The following ZNF831 variants were observed in gnomAD, a reference collection of about 807,000 sequenced individuals.
ZNF831 encodes chromosome 20 open reading frame 174.
A neutral mutation model predicts 95.8 loss-of-function variants in ZNF831; 59 were observed. The observed-to-expected ratio is 0.62, with a 90% CI of 0.50 to 0.77. The LOEUF (loss-of-function observed/expected upper bound fraction) is 0.77. ZNF831 is among the 30% of genes least tolerant of loss of function. ZNF831 has a pLI of 0.00. For missense variants in ZNF831, 2,205 were observed against 2,164.0 expected (o/e 1.02, Z -0.38); for synonymous variants, 961 against 925.5 (o/e 1.04, Z -0.70).
chr20:59,234,757 T>C (rs1020692585), intron 4 of ZNF831, among the ~76,000 whole-genome samples: 9 of 152,162 alleles, frequency 5.9e-5, no homozygotes, highest in Admixed American at 5.9e-4. Context: ...ATTGGGCAGT[T>C]GTTGTTTTTA....
chr20:59,225,780 A>G (rs1400124368), intron 4 of ZNF831, among the ~76,000 whole-genome samples: 3 of 152,194 alleles, frequency 2.0e-5, no homozygotes, highest in Non-Finnish European at 4.4e-5. Flanking sequence ...GAAATCGTGC[A>G]ATGTCTGTAA....
chr20:59,213,827 C>T (rs1478396735), intron 4 of ZNF831, among the ~76,000 whole-genome samples: 1 of 152,140 alleles, frequency 6.6e-6, no homozygotes. Flanking sequence ...TCTTATGTCA[C>T]CTCCGTTTTA....
At position 59,194,019 on chromosome 20, in the gene ZNF831, G is replaced by A. The variant is rs1264337568; in HGVS notation, c.3000G>A (p.Glu1000=). 1.3e-6 allele frequency: 2 copies of A among 1,528,330 alleles called. No individual in the cohort carries two copies. The highest frequency in any genetic ancestry group is 1.8e-6 in the Non-Finnish European group (2 of 1,139,936). 94.7% of individuals were successfully genotyped at this position (1,528,330 alleles called of 1,614,324 possible). Reference sequence around the variant, plus strand: ...CAGCCTCAGGCCCCTCCCCAGGTGAGGCGGACAGCATCCTGGAGGACCCCA... The same window carrying A: ...CAGCCTCAGGCCCCTCCCCAGGTGAAGCGGACAGCATCCTGGAGGACCCCA... The part of the protein sequence containing the change: ...PSPASGPSPG[E]ADSILEDPSC... Residue 1000 remains glutamate, a synonymous_variant, in exon 2 of 6, where the codon GAG becomes GAA. Coordinates refer to ENST00000371030, the MANE Select transcript of ZNF831 (RefSeq NM_178457.3).
Position 59,194,265 on chromosome 20 carries a change from C to T in ZNF831, c.3246C>T (p.Ser1082=), listed in dbSNP as rs749137895. The change falls in exon 2 of 6, where the codon AGC becomes AGT. Residue 1082 remains serine, a synonymous_variant. Transcript: ENST00000371030. ...GTATCCATCGCCTCTGCATGGGCAG[C>T]ACTTTGGCAAGGGCCAGGCTCTCTG... ...SHRIHRLCMG[S]TLARARLSGD... 1 of 1,614,050 alleles carries T rather than the reference C, an allele frequency of 6.2e-7. No individual in the cohort carries two copies. Among genetic ancestry groups the T allele is most frequent in the Non-Finnish European group, 8.5e-7 (1 of 1,180,010 alleles).
chr20:59,150,693 C>G (rs1024796469), intron 2 of ZNF831, among the ~76,000 whole-genome samples: 2 of 152,172 alleles, frequency 1.3e-5, no homozygotes, highest in African/African-American at 4.8e-5. Flanking sequence ...GGCCAGTACT[C>G]CGCGCCAGCA....
intron 4 of ZNF831, among the ~76,000 whole-genome samples, chr20:59,249,713 G>A (rs1987791123): frequency 1.3e-5 from 2 of 152,118 alleles, no homozygotes; most frequent in Admixed American, 1.3e-4. Flanking sequence ...GATTTTCAAA[G>A]TTGATTTGCT....
intron 2 of ZNF831, among the ~76,000 whole-genome samples, chr20:59,158,720 AT>A (rs1379518020): frequency 6.6e-5 from 10 of 152,250 alleles, no homozygotes; most frequent in Admixed American, 6.5e-4. Context: ...TTTTTACCTC[AT>A]TTATTTGACA....
At chr20:59,207,483 TAGAA>T (rs1984980179) in intron 4 of ZNF831, among the ~76,000 whole-genome samples, 1 of 152,094 alleles carries the variant, frequency 6.6e-6, no homozygotes, top group Non-Finnish European at 1.5e-5. Flanking sequence ...CCATGTGAAA[TAGAA>T]AGATGAGTAG....
At chr20:59,182,850 C>T (rs1254141312) in intron 1 of ZNF831, among the ~76,000 whole-genome samples, 1 of 152,200 alleles carries the variant, frequency 6.6e-6, no homozygotes, top group Non-Finnish European at 1.5e-5. Context: ...TGGGCAGCCT[C>T]CCCTGCTTTT....
At chr20:59,189,574 C>T (rs1452222668) in intron 1 of ZNF831, among the ~76,000 whole-genome samples, 3 of 152,112 alleles carry the variant, frequency 2.0e-5, no homozygotes, top group Non-Finnish European at 4.4e-5. Flanking sequence ...TGCAGTGGTG[C>T]GATATTGGCT....
chr20:59,145,339 C>T (rs1389845886), intron 1 of ZNF831, among the ~76,000 whole-genome samples: 6 of 152,060 alleles, frequency 3.9e-5, no homozygotes, highest in Non-Finnish European at 7.4e-5. Flanking sequence ...GAGGAGGGGT[C>T]GGTCCTTTAA....
intron 4 of ZNF831, among the ~76,000 whole-genome samples, chr20:59,251,528 G>T (rs891555757): frequency 2.6e-5 from 4 of 152,150 alleles, no homozygotes; most frequent in African/African-American, 7.2e-5. Context: ...ACTACTAGAA[G>T]TTTTGTGTTA....
intron 4 of ZNF831, among the ~76,000 whole-genome samples, chr20:59,213,496 C>G (rs986616230): frequency 3.9e-5 from 6 of 152,212 alleles, no homozygotes; most frequent in African/African-American, 1.4e-4. Context: ...TACCAAGCTG[C>G]TAGGTCATCT....
intron 1 of ZNF831, among the ~76,000 whole-genome samples, chr20:59,128,712 G>A (rs185207177): frequency 8.0e-4 from 122 of 152,298 alleles, no homozygotes; most frequent in African/African-American, 2.7e-3. Context: ...GGCTCAGGCC[G>A]GGGAAGTGGT....
rs1231066771 is a variant in ZNF831 at position 59,191,870 on chromosome 20, C to A, written c.851C>A (p.Pro284His). 6.2e-7 allele frequency: 1 copy of A among 1,613,158 alleles called. No individual in the cohort carries two copies. Among genetic ancestry groups the A allele is most frequent in the Non-Finnish European group, 8.5e-7 (1 of 1,179,972 alleles). ...AGAGAGGCTCCTTGGGACTCTGCCC[C>A]CATGGCGTCACCTGGGCTCCCAGCG... ...ADREAPWDSA[P>H]MASPGLPAAS... The change falls in exon 2 of 6, where the codon CCC becomes CAC. Residue 284 changes from proline (P) to histidine (H), a missense_variant. Coordinates refer to ENST00000371030, the MANE Select transcript of ZNF831 (RefSeq NM_178457.3).
intron 1 of ZNF831, among the ~76,000 whole-genome samples, chr20:59,128,370 C>T (rs566621668): frequency 6.6e-6 from 1 of 152,290 alleles, no homozygotes; most frequent in African/African-American, 2.4e-5. Flanking sequence ...CCCTGCTGTC[C>T]CTCCCCAGTC....
Position 59,254,494 on chromosome 20 carries a change from G to A in ZNF831, c.4785G>A (p.Gln1595=). ...RHKTFFPSRG[Q]YGCGEMTVPC... ...AGACGTTTTTTCCTTCCAGAGGCCA[G>A]TATGGGTGTGGGGAAATGACTGTCC... The change falls in exon 6 of 6, where the codon CAG becomes CAA. Residue 1595 remains glutamine (Q), a synonymous_variant. Coordinates refer to ENST00000371030, the MANE Select transcript of ZNF831 (RefSeq NM_178457.3). The surrounding 1 kb of genome is among the most constrained non-coding windows in gnomAD (Gnocchi z 4.5). 6.2e-7 allele frequency: 1 copy of A among 1,614,196 alleles called. No homozygotes were observed. The highest frequency in any genetic ancestry group is 1.1e-5 in the South Asian group (1 of 91,080).
chr20:59,206,967 C>G lies in ZNF831; in HGVS notation c.3938C>G (p.Thr1313Ser), dbSNP rs755996827. The G allele has an allele frequency of 3.1e-6, 5 of 1,614,152 alleles. No homozygotes were observed. The highest frequency in any genetic ancestry group is 4.2e-6 in the Non-Finnish European group (5 of 1,180,020). Residue 1313 changes from threonine (T) to serine (S), a missense_variant, in exon 4 of 6, where the codon ACC becomes AGC. Transcript: ENST00000371030. Reference sequence around the variant, plus strand: ...AGAGCCAGTAGACTTCGCACACCAACCTGGGTGCGAAGAAGAAGCCGCCAC... The same window carrying G: ...AGAGCCAGTAGACTTCGCACACCAAGCTGGGTGCGAAGAAGAAGCCGCCAC... Reference protein sequence around the residue: ...QLRASRLRTPTWVRRRSRHPP... With the variant: ...QLRASRLRTPSWVRRRSRHPP...
At chr20:59,214,371 G>C (rs146046915) in intron 4 of ZNF831, among the ~76,000 whole-genome samples, 2 of 152,268 alleles carry the variant, frequency 1.3e-5, no homozygotes, top group African/African-American at 4.8e-5. Flanking sequence ...CAGGGTGTAG[G>C]TTAAATGCAT....
Sources: allele counts gnomAD v4.1 joint callset (sites outside exome capture counted in the v4.1 genomes callset), GRCh38; gene constraint gnomAD v4.1.1; non-coding constraint Gnocchi (gnomAD v3.1); transcripts MANE v1.5; gene names NCBI Gene and HGNC (gene_info 2026-07-23, HGNC 2026-07-21).